Variants in FOXP2 observed in about 807,000 individuals in gnomAD.
The protein encoded by FOXP2 is forkhead box P2.
FOXP2 carries 12 observed loss-of-function variants against 115.8 expected under a neutral mutation model. The observed-to-expected ratio is 0.10, with a 90% confidence interval of 0.07 to 0.17. The LOEUF is 0.17. Among genes scored for constraint, FOXP2 ranks in the 10% least tolerant of loss-of-function variants. FOXP2 has a pLI of 1.00. For missense variants in FOXP2, 629 were observed against 843.5 expected, an observed-to-expected ratio of 0.75 and a Z score of 3.15; for synonymous variants, 328 against 297.7, an observed-to-expected ratio of 1.10 and a Z score of -1.05.
At chr7:114,380,166 T>G (rs1792252699) in intron 2 of FOXP2, among the ~76,000 whole-genome samples, 1 of 152,184 alleles carries the variant, frequency 6.6e-6, no homozygotes, top group Non-Finnish European at 1.5e-5. Context: ...TGCCACCTCT[T>G]TAGGTTTCTG....
intron 1 of FOXP2, among the ~76,000 whole-genome samples, chr7:114,232,813 CA>C (rs35497556): frequency 2.8e-3 from 341 of 119,926 alleles, no homozygotes; most frequent in African/African-American, 3.3e-3. Flanking sequence ...AACTCCGTCT[CA>C]AAAAAAAAAA....
chr7:114,242,086 G>A (rs1795169953), intron 1 of FOXP2, among the ~76,000 whole-genome samples: 1 of 150,574 alleles, frequency 6.6e-6, no homozygotes, highest in African/African-American at 2.4e-5. Flanking sequence ...GGCAAGAAGA[G>A]CTGTTGAATG....
intron 3 of FOXP2, among the ~76,000 whole-genome samples, chr7:114,535,669 T>G (rs1799353206): frequency 6.6e-6 from 1 of 151,546 alleles, no homozygotes; most frequent in Non-Finnish European, 1.5e-5. Flanking sequence ...AAGCTACTGA[T>G]CTGTACAATC....
intron 1 of FOXP2, among the ~76,000 whole-genome samples, chr7:114,277,844 G>A (rs1380143770): frequency 4.0e-5 from 6 of 151,230 alleles, no homozygotes; most frequent in South Asian, 2.1e-4. Context: ...GTGAAACCCC[G>A]TCTCTACTAA....
chr7:114,597,026 CA>C lies in FOXP2; in HGVS notation c.259-31507del, dbSNP rs897555992. 7.1e-4 allele frequency among the ~76,000 whole-genome samples: 108 copies of C among 151,920 alleles called. 1 individual carries two copies. The highest frequency in any genetic ancestry group is 1.6e-3 in the Admixed American group (25 of 15,214). ...AAAATAATTCAGAATTATTATAATTCAAAAAAACTTTCTTTTGGTAGTGTGT... is the reference window on the plus strand; with the variant it reads ...AAAATAATTCAGAATTATTATAATTCAAAAAACTTTCTTTTGGTAGTGTGT... On this transcript the variant is annotated intron_variant, in intron 3 of 16. Coordinates refer to ENST00000350908, the MANE Select transcript of FOXP2 (RefSeq NM_014491.4).
At chr7:114,346,272 C>G (rs1791345566) in intron 2 of FOXP2, among the ~76,000 whole-genome samples, 1 of 151,694 alleles carries the variant, frequency 6.6e-6, no homozygotes, top group African/African-American at 2.4e-5. Flanking sequence ...ATGGAATCAT[C>G]ATATCAAGGA....
At chr7:114,240,302 A>T (rs1157533074) in intron 1 of FOXP2, among the ~76,000 whole-genome samples, 4 of 152,064 alleles carry the variant, frequency 2.6e-5, no homozygotes, top group African/African-American at 9.7e-5. Flanking sequence ...CAAATTCAAG[A>T]GTACATGAAT....
At chr7:114,584,036 A>C (rs914902280) in intron 3 of FOXP2, among the ~76,000 whole-genome samples, 1 of 152,156 alleles carries the variant, frequency 6.6e-6, no homozygotes, top group African/African-American at 2.4e-5. Flanking sequence ...CTTTGCAATA[A>C]TTTTTATTAT....
chr7:114,213,029 G>T (rs1236612833), intron 1 of FOXP2, among the ~76,000 whole-genome samples: 3 of 152,172 alleles, frequency 2.0e-5, no homozygotes, highest in African/African-American at 4.8e-5. Context: ...GACCTTTATG[G>T]TCAGTATTCC....
chr7:114,141,623 T>C (rs1194839084), intron 1 of FOXP2, among the ~76,000 whole-genome samples: 1 of 152,150 alleles, frequency 6.6e-6, no homozygotes, highest in Non-Finnish European at 1.5e-5. Flanking sequence ...GCCAGAGCCT[T>C]TAGTCAATTG....
At chr7:114,541,108 A>G (rs920534692) in intron 3 of FOXP2, among the ~76,000 whole-genome samples, 1 of 152,086 alleles carries the variant, frequency 6.6e-6, no homozygotes, top group Non-Finnish European at 1.5e-5. Context: ...GGTAGGCATG[A>G]TGATGACTTA....
chr7:114,456,993 T>C (rs1455631202), intron 2 of FOXP2, among the ~76,000 whole-genome samples: 2 of 151,706 alleles, frequency 1.3e-5, no homozygotes, highest in African/African-American at 4.8e-5. Flanking sequence ...AGAGAGAGAA[T>C]AAAATGGTGA....
In FOXP2 at chr7:114,393,117, A is replaced by G. The variant is rs189811867; in HGVS notation, c.-10-33385A>G. Among the ~76,000 whole-genome samples the G allele has an allele frequency of 2.1e-4, 32 of 152,254 alleles. 2 individuals carry two copies. In the East Asian group the frequency reaches 6.0e-3, roughly 28 times the overall value. On this transcript the variant is annotated intron_variant, in intron 2 of 17. Coordinates refer to the FOXP2 transcript ENST00000634411. ...GAGACATACACAAAAAGTACATAGA[A>G]TATCAGGGTGATGTGCAATTCAATT...
At chr7:114,268,712 GTGTGTGTGTGTGTGTGTGTA>G (rs1485043593) in intron 1 of FOXP2, among the ~76,000 whole-genome samples, 2 of 151,624 alleles carry the variant, frequency 1.3e-5, no homozygotes, top group Non-Finnish European at 2.9e-5. Context: ...GTGTGTGTGT[GTGTGTGTGTGTGTGTGTGTA>G]TGTGTGTATT....
At chr7:114,274,969 T>G (rs79721740) in intron 1 of FOXP2, among the ~76,000 whole-genome samples, 2,592 of 152,160 alleles carry the variant, frequency 0.017, 38 homozygotes, top group African/African-American at 0.033. Flanking sequence ...CTTTAAATAT[T>G]TCATTCTATT....
intron 1 of FOXP2, among the ~76,000 whole-genome samples, chr7:114,139,315 C>T (rs1038039626): frequency 3.3e-5 from 5 of 152,122 alleles, no homozygotes; most frequent in African/African-American, 9.7e-5. Flanking sequence ...TTCTTGGACT[C>T]AGAGAATAGT....
rs375717444 is a variant in FOXP2, at chr7:114,224,912, T to C, written c.-102+61824T>C. The stretch of plus-strand genomic sequence containing the variant: ...CTCTATTACTAGTTTTTAAAGAGAT[T>C]TAAAGAAGTGAATAGATGTTGACCC... On this transcript the variant is annotated intron_variant, in intron 1 of 17. Transcript: ENST00000634411. Among the ~76,000 whole-genome samples, 141 of 152,310 alleles carry C rather than the reference T, an allele frequency of 9.3e-4. 1 individual carries two copies. Among genetic ancestry groups the C allele is most frequent in the African/African-American group, 3.2e-3 (134 of 41,574 alleles).
chr7:114,240,018 G>A lies in FOXP2; in HGVS notation c.-101-48001G>A, dbSNP rs529366842. ...AAGCACCTGTGCACCTTCAAAGGAAGACCTAGTATGAGGAAATTTGCAGCA... is the reference window on the plus strand; with the variant it reads ...AAGCACCTGTGCACCTTCAAAGGAAAACCTAGTATGAGGAAATTTGCAGCA... On this transcript the variant is annotated intron_variant, in intron 1 of 17. Transcript: ENST00000634411. Among the ~76,000 whole-genome samples the A allele has an allele frequency of 1.5e-4, 23 of 152,296 alleles. No homozygotes were observed. The East Asian group carries it at 4.4e-3, about 29-fold the overall frequency.
At chr7:114,689,723 G>A in intron 16 of FOXP2, 59 bp from the exon 17 acceptor site, 2 of 1,594,964 alleles carry the variant, frequency 1.3e-6, no homozygotes, top group Non-Finnish European at 1.7e-6. Flanking sequence ...CTGCAAAGTT[G>A]GCCAAACTCT....
Sources: allele counts gnomAD v4.1 joint callset (sites outside exome capture counted in the v4.1 genomes callset), GRCh38; gene constraint gnomAD v4.1.1; transcripts MANE v1.5; gene names NCBI Gene and HGNC (gene_info 2026-07-23, HGNC 2026-07-21).